The following PPIP5K2 variants were observed in gnomAD, a reference collection of about 807,000 sequenced individuals.
The protein encoded by PPIP5K2 is inositol hexakisphosphate and diphosphoinositol-pentakisphosphate kinase 2.
A neutral mutation model predicts 154.6 loss-of-function variants in PPIP5K2; 105 were observed. That is an observed-to-expected ratio of 0.68 (90% CI 0.58 to 0.80). PPIP5K2 has a LOEUF of 0.80. PPIP5K2 is among the 30% of genes least tolerant of loss of function. PPIP5K2 has a pLI of 0.00. For synonymous variants in PPIP5K2, 480 were observed against 490.3 expected (o/e 0.98, Z 0.28); for missense variants, 992 against 1,504.6 (o/e 0.66, Z 5.64).
At chr5:103,148,871 C>T (rs1009262754) in intron 7 of PPIP5K2, among the ~76,000 whole-genome samples, 3 of 151,642 alleles carry the variant, frequency 2.0e-5, no homozygotes, top group African/African-American at 7.3e-5. Context: ...TTGAGGAGAG[C>T]GATCACATTG....
In PPIP5K2 at chr5:103,186,387, G is replaced by A; in HGVS notation, c.3237G>A (p.Gln1079=). The change falls in exon 27 of 31, where the codon CAG becomes CAA. Residue 1079 remains glutamine (Q), a synonymous_variant. Coordinates refer to ENST00000358359, the MANE Select transcript of PPIP5K2 (RefSeq NM_001276277.3). ...LGGSSSAPNL[Q]DYARTHRKKL... ...GTTCTTCAAGCGCACCTAACCTACA[G>A]GATTATGCTCGTACTCATCGTAAAA... 6.2e-7 allele frequency: 1 copy of A among 1,613,912 alleles called. No homozygotes were observed. The highest frequency in any genetic ancestry group is 8.5e-7 in the Non-Finnish European group (1 of 1,179,888).
At chr5:103,152,864 T>C in intron 10 of PPIP5K2, 115 bp downstream of exon 10, 12 of 644,476 alleles carry the variant, frequency 1.9e-5, no homozygotes, top group Non-Finnish European at 3.2e-5. Flanking sequence ...TGATTTCATA[T>C]GATTCAGCTT....
chr5:103,158,492 A>G lies in PPIP5K2; in HGVS notation c.1656A>G (p.Leu552=), dbSNP rs1554214468. The change falls in exon 16 of 31, where the codon TTA becomes TTG. Residue 552 remains leucine, a synonymous_variant. Transcript: ENST00000358359. The stretch of plus-strand genomic sequence containing the variant: ...TTCCTGGTTGTGGTTTACTTAGATT[A>G]CATAGCACCTACAGACATGACCTCA... ...AGFPGCGLLR[L]HSTYRHDLKI... is the part of the protein sequence containing the mutation. 3.7e-6 allele frequency: 6 copies of G among 1,612,736 alleles called. No homozygotes were observed. The highest frequency in any genetic ancestry group is 5.1e-6 in the Non-Finnish European group (6 of 1,179,634).
rs1554203315 is a variant in PPIP5K2, at chr5:103,133,560, AG to A, written c.223del (p.Val75Ter). The A allele has an allele frequency of 6.2e-7, 1 of 1,612,708 alleles. No individual in the cohort carries two copies. Among genetic ancestry groups the A allele is most frequent in the African/African-American group, 1.3e-5 (1 of 74,968 alleles). On this transcript the variant is annotated frameshift_variant, in exon 3 of 31. Transcript: ENST00000358359. LOFTEE classifies it high-confidence loss of function. Reference protein sequence around the residue: ...ERISLFKYITVVVFEEEVILN... With the variant: ...ERISLFKYITXVVFEEEVILN... ...GGATCTCCTTATTTAAATATATCAC[AG>A]TAGTAGTATTTGAAGAGGAGGTTAT... is the stretch of plus-strand genomic sequence containing the variant.
chr5:103,167,630 C>A (rs1797337075), intron 18 of PPIP5K2, among the ~76,000 whole-genome samples: 1 of 151,822 alleles, frequency 6.6e-6, no homozygotes, highest in Admixed American at 6.6e-5. Context: ...TAGGCTCTGG[C>A]CCCAAAGCTT....
At chr5:103,160,004 A>G (rs1795977270) in intron 17 of PPIP5K2, among the ~76,000 whole-genome samples, 1 of 152,120 alleles carries the variant, frequency 6.6e-6, no homozygotes, top group Admixed American at 6.6e-5. Flanking sequence ...TCTACATATA[A>G]GTGAGATTAT....
In PPIP5K2 at chr5:103,201,670, A is replaced by G; in HGVS notation, c.*36A>G. 1 of 1,385,794 alleles carries G rather than the reference A, an allele frequency of 7.2e-7. No individual in the cohort carries two copies. Among genetic ancestry groups the G allele is most frequent in the Non-Finnish European group, 1.0e-6 (1 of 995,106 alleles). The allele number at this position is 1,385,794 out of a possible 1,614,324, so 85.8% of individuals were successfully genotyped here. A position where few individuals can be genotyped will look rare whatever the true frequency, so the allele number is the denominator to read the frequency against. Reference sequence around the variant, plus strand: ...GAAGCTGGAACTTTTTATACTTATAAAAATAGTATGTTCTTATGTTTCTCC... The same window carrying G: ...GAAGCTGGAACTTTTTATACTTATAGAAATAGTATGTTCTTATGTTTCTCC... On this transcript the variant is annotated 3_prime_UTR_variant, in exon 31 of 31. Transcript: ENST00000358359.
intron 5 of PPIP5K2, among the ~76,000 whole-genome samples, chr5:103,144,328 G>A (rs1412689981): frequency 6.6e-6 from 1 of 152,020 alleles, no homozygotes; most frequent in Non-Finnish European, 1.5e-5. Flanking sequence ...TTGATTGAAA[G>A]AATCAGTATT....
chr5:103,129,813 T>C, intron 2 of PPIP5K2, 110 bp downstream of exon 2: 1 of 1,321,732 alleles, frequency 7.6e-7, no homozygotes, highest in Non-Finnish European at 9.8e-7. Context: ...AAAAAGTATA[T>C]TTTGTTTCAT....
Position 103,129,622 on chromosome 5 carries a change from A to C in PPIP5K2, c.33A>C (p.Pro11=). The C allele has an allele frequency of 6.2e-7, 1 of 1,608,426 alleles. No individual in the cohort carries two copies. Among genetic ancestry groups the C allele is most frequent in the South Asian group, 1.1e-5 (1 of 90,012 alleles). ...AAGCCCCCAGATTCTTCGTTGGACCAGAAGATACAGAAATAAATCCTGGAA... is the reference window on the plus strand; with the variant it reads ...AAGCCCCCAGATTCTTCGTTGGACCCGAAGATACAGAAATAAATCCTGGAA... MSEAPRFFVG[P]EDTEINPGNY... The change falls in exon 2 of 31, where the codon CCA becomes CCC. Residue 11 remains proline, a synonymous_variant. Coordinates refer to ENST00000358359, the MANE Select transcript of PPIP5K2 (RefSeq NM_001276277.3).
intron 3 of PPIP5K2, among the ~76,000 whole-genome samples, 183 bp from the exon 4 acceptor site, chr5:103,136,549 A>T (rs2149484084): frequency 6.6e-6 from 1 of 152,336 alleles, no homozygotes; most frequent in South Asian, 2.1e-4. Flanking sequence ...TCAAATTATG[A>T]AAAAATAAGA....
chr5:103,148,134 C>A, intron 7 of PPIP5K2, 102 bp downstream of exon 7: 2 of 860,460 alleles, frequency 2.3e-6, no homozygotes, highest in Non-Finnish European at 3.8e-6. Flanking sequence ...TATTCTGGAT[C>A]TCTTTCTTTT....
intron 29 of PPIP5K2, 153 bp from the exon 30 acceptor site, chr5:103,194,746 TA>T: frequency 1.5e-5 from 11 of 716,660 alleles, no homozygotes; most frequent in Non-Finnish European, 2.0e-5. Context: ...ATCTTTTTAT[TA>T]AAAAAAGGTG....
intron 5 of PPIP5K2, among the ~76,000 whole-genome samples, chr5:103,145,983 G>A (rs532226462): frequency 9.4e-4 from 143 of 151,964 alleles, no homozygotes; most frequent in Non-Finnish European, 1.3e-3. Context: ...AGAATTTCAC[G>A]TGGACCACAA....
Position 103,211,019 on chromosome 5 carries a change from G to A in PPIP5K2, c.*9385G>A, listed in dbSNP as rs549031480. On this transcript the variant is annotated 3_prime_UTR_variant, in exon 31 of 31. Coordinates refer to ENST00000358359, the MANE Select transcript of PPIP5K2 (RefSeq NM_001276277.3). ...ACTGTAAAGGCAGATGGCCGTGAGT[G>A]GAAATCTGAGTGTATAGGATGTGTT... 2.0e-5 allele frequency: 3 copies of A among 152,218 alleles called. No individual in the cohort carries two copies. The highest frequency in any genetic ancestry group is 7.2e-5 in the African/African-American group (3 of 41,562). The allele number at this position is 152,218 out of a possible 1,614,324, so 9.4% of individuals were successfully genotyped here.
Position 103,161,366 on chromosome 5 carries a change from A to G in PPIP5K2, c.1920+2038A>G, listed in dbSNP as rs187272388. 4.6e-5 allele frequency among the ~76,000 whole-genome samples: 7 copies of G among 152,254 alleles called. No individual in the cohort carries two copies. In the East Asian group the frequency reaches 1.4e-3, roughly 29 times the overall value. On this transcript the variant is annotated intron_variant, in intron 17 of 30. Transcript: ENST00000358359. Reference sequence around the variant, plus strand: ...TCTTAATCTAGTCTATCATTGATGGACATTTGGATTGGTTCCAAGTCTTTG... The same window carrying G: ...TCTTAATCTAGTCTATCATTGATGGGCATTTGGATTGGTTCCAAGTCTTTG...
intron 24 of PPIP5K2, 33 bp downstream of exon 24, chr5:103,180,221 C>G: frequency 6.8e-7 from 1 of 1,472,186 alleles, no homozygotes; most frequent in South Asian, 1.4e-5. Flanking sequence ...ATTTTTCATA[C>G]AGTAAACTAA....
intron 5 of PPIP5K2, among the ~76,000 whole-genome samples, chr5:103,138,955 A>AG (rs1792059706): frequency 6.6e-6 from 1 of 152,254 alleles, no homozygotes; most frequent in African/African-American, 2.4e-5. Flanking sequence ...GGTCCCACAT[A>AG]TACTGATAGC....
chr5:103,143,434 G>A (rs1299025325), intron 5 of PPIP5K2, among the ~76,000 whole-genome samples: 2 of 152,176 alleles, frequency 1.3e-5, no homozygotes, highest in African/African-American at 2.4e-5. Context: ...TGATCCTCCT[G>A]TCTCAGACTC....
Sources: allele counts gnomAD v4.1 joint callset (sites outside exome capture counted in the v4.1 genomes callset), GRCh38; gene constraint gnomAD v4.1.1; transcripts MANE v1.5; gene names NCBI Gene and HGNC (gene_info 2026-07-23, HGNC 2026-07-21).